The following SCRG1 variants were observed in gnomAD, a reference collection of about 807,000 sequenced individuals.
The protein encoded by SCRG1 is scrapie-responsive protein 1.
Under a neutral mutation model 7.7 loss-of-function variants are expected in SCRG1, and 3 were observed. The ratio of observed to expected loss-of-function variants is 0.39; its 90% confidence interval spans 0.18 to 1.01. The LOEUF is 1.01. Ranked by LOEUF, SCRG1 falls within the 50% of genes least tolerant of loss-of-function variation. The pLI is 0.36. For missense variants in SCRG1, 110 were observed against 117.2 expected, an observed-to-expected ratio of 0.94 and a Z score of 0.28; for synonymous variants, 46 against 41.2, an observed-to-expected ratio of 1.12 and a Z score of -0.44.
chr4:173,427,597 G>C, the SCRG1 span, among the ~76,000 whole-genome samples: 2 of 152,212 alleles, frequency 1.3e-5, no homozygotes, highest in African/African-American at 2.4e-5. Context: ...TTGCTGGTCA[G>C]ACATGGTGCA....
rs548645230 is a variant in SCRG1, at chr4:173,386,225, C to G, written c.*2116G>C. ...TCTCAGCTCACTGCAAGCTCCACCT[C>G]CTGGGTTCACGCCATTCTCCTGCCT... On this transcript the variant is annotated 3_prime_UTR_variant, in exon 3 of 3. Coordinates refer to ENST00000296506, the MANE Select transcript of SCRG1 (RefSeq NM_007281.4). 3.3e-5 allele frequency: 5 copies of G among 152,228 alleles called. No individual in the cohort carries two copies. In the East Asian group the frequency reaches 9.6e-4, roughly 29 times the overall value. The allele number at this position is 152,228 out of a possible 1,614,324, so 9.4% of individuals were successfully genotyped here.
At chr4:173,441,339 C>T in the SCRG1 span, among the ~76,000 whole-genome samples, 1 of 152,228 alleles carries the variant, frequency 6.6e-6, no homozygotes, top group East Asian at 1.9e-4. Context: ...GCAAAGTCTC[C>T]GTCACGGCTC....
chr4:173,403,479 G>A (rs758698237), upstream of SCRG1, among the ~76,000 whole-genome samples: 5 of 152,018 alleles, frequency 3.3e-5, no homozygotes, highest in African/African-American at 9.7e-5. Flanking sequence ...CGTCTGCGCC[G>A]CCCCGGGAAT....
At chr4:173,484,821 T>C in the SCRG1 span, among the ~76,000 whole-genome samples, 1 of 80,862 alleles carries the variant, frequency 1.2e-5, no homozygotes, top group African/African-American at 5.0e-5. Flanking sequence ...ATACATATAA[T>C]ATATATTATA....
In SCRG1 at chr4:173,387,738, G is replaced by T. The variant is rs908210964; in HGVS notation, c.*603C>A. 7.1e-6 allele frequency: 1 copy of T among 140,032 alleles called. No homozygotes were observed. Among genetic ancestry groups the T allele is most frequent in the Non-Finnish European group, 1.5e-5 (1 of 65,274 alleles). 8.7% of individuals were successfully genotyped at this position (140,032 alleles called of 1,614,324 possible). ...TTTTTTTTTTTTTTTTTCGAGACAGGGTCTTGCTCTGTCACCCAGGCTAGA... is the reference window on the plus strand; with the variant it reads ...TTTTTTTTTTTTTTTTTCGAGACAGTGTCTTGCTCTGTCACCCAGGCTAGA... On this transcript the variant is annotated 3_prime_UTR_variant, in exon 3 of 3. Coordinates refer to ENST00000296506, the MANE Select transcript of SCRG1 (RefSeq NM_007281.4).
chr4:173,441,076 C>G, the SCRG1 span, among the ~76,000 whole-genome samples: 1 of 152,056 alleles, frequency 6.6e-6, no homozygotes, highest in Non-Finnish European at 1.5e-5. Flanking sequence ...CTATTCAAAG[C>G]AGTATAGGGC....
chr4:173,394,130 G>A (rs1027950609), intron 1 of SCRG1, among the ~76,000 whole-genome samples: 1 of 151,936 alleles, frequency 6.6e-6, no homozygotes, highest in African/African-American at 2.4e-5. Context: ...TATTGATAGG[G>A]AAGAATTTAC....
At chr4:173,499,655 G>A in the SCRG1 span, among the ~76,000 whole-genome samples, 2 of 152,054 alleles carry the variant, frequency 1.3e-5, no homozygotes, top group East Asian at 3.8e-4. This position sits in a 1 kb window ranked among gnomAD's most constrained non-coding sequence, Gnocchi z 4.1. Context: ...CCCTACTCCC[G>A]CCCATCTTCA....
chr4:173,468,594 G>A, the SCRG1 span: 2 of 152,200 alleles, frequency 1.3e-5, no homozygotes, highest in Non-Finnish European at 2.9e-5. Context: ...TACCAGGCTA[G>A]GCTCTCTACC....
chr4:173,434,890 T>C, the SCRG1 span, among the ~76,000 whole-genome samples: 2 of 152,138 alleles, frequency 1.3e-5, no homozygotes, highest in African/African-American at 2.4e-5. Flanking sequence ...TAAATATTAG[T>C]GATCATTAGG....
At chr4:173,423,540 T>A in the SCRG1 span, among the ~76,000 whole-genome samples, 1 of 152,224 alleles carries the variant, frequency 6.6e-6, no homozygotes, top group South Asian at 2.1e-4. Context: ...CTGGAGAAAT[T>A]ATTCTAAATT....
the SCRG1 span, among the ~76,000 whole-genome samples, chr4:173,424,860 G>T: frequency 9.0e-3 from 936 of 103,588 alleles, 13 homozygotes; most frequent in African/African-American, 0.026. Flanking sequence ...GGCAAGCCGA[G>T]ATCGCACCAG....
At chr4:173,438,282 A>AT in the SCRG1 span, among the ~76,000 whole-genome samples, 88,486 of 147,664 alleles carry the variant, frequency 0.6, 26,758 homozygotes, top group Non-Finnish European at 0.67. Context: ...TGCCCAGCTA[A>AT]TTTTTTTTTT....
chr4:173,500,919 G>T, the SCRG1 span, among the ~76,000 whole-genome samples: 4 of 152,338 alleles, frequency 2.6e-5, no homozygotes. Context: ...TAAAAGCAAG[G>T]ATCTAAATCC....
chr4:173,421,603 C>G, the SCRG1 span, among the ~76,000 whole-genome samples: 2 of 152,150 alleles, frequency 1.3e-5, no homozygotes, highest in African/African-American at 4.8e-5. Flanking sequence ...TGAAAATTAG[C>G]CATTCCCTTT....
the SCRG1 span, among the ~76,000 whole-genome samples, chr4:173,480,217 G>A: frequency 2.5e-4 from 38 of 152,118 alleles, no homozygotes; most frequent in Non-Finnish European, 5.3e-4. Context: ...CAAGACTTTA[G>A]GTGTGTAGGC....
chr4:173,509,929 G>A, the SCRG1 span, among the ~76,000 whole-genome samples: 1 of 152,108 alleles, frequency 6.6e-6, no homozygotes, highest in South Asian at 2.1e-4. The surrounding 1 kb of genome is among the most constrained non-coding windows in gnomAD (Gnocchi z 5.7). Context: ...TCTCTTTCTG[G>A]CCCTCATTTC....
chr4:173,443,741 C>T, the SCRG1 span, among the ~76,000 whole-genome samples: 36 of 152,112 alleles, frequency 2.4e-4, no homozygotes, highest in African/African-American at 6.5e-4. Context: ...TTATGTTTCT[C>T]GGTTGCTCTT....
the SCRG1 span, among the ~76,000 whole-genome samples, chr4:173,412,442 G>A: frequency 6.6e-6 from 1 of 152,128 alleles, no homozygotes; most frequent in Non-Finnish European, 1.5e-5. Context: ...CTCCCATGTT[G>A]ATGCCTTGAT....
Sources: gnomAD v4.1 joint callset for allele counts (sites outside exome capture counted in the v4.1 genomes callset) on GRCh38, gnomAD v4.1.1 for gene constraint, Gnocchi (gnomAD v3.1) non-coding constraint, MANE v1.5 for transcripts, NCBI Gene and HGNC (gene_info 2026-07-23, HGNC 2026-07-21) for gene names.